Variants in DNAH9 observed in about 807,000 individuals in gnomAD.
The protein encoded by DNAH9 is dynein axonemal heavy chain 9.
DNAH9 carries 345 observed loss-of-function variants against 471.6 expected under a neutral mutation model. That is an observed-to-expected ratio of 0.73 (90% CI 0.67 to 0.80). DNAH9 has a LOEUF of 0.80. Ranked by LOEUF, DNAH9 falls within the 30% of genes least tolerant of loss-of-function variation. The pLI is 0.00. For synonymous variants in DNAH9, 2,093 were observed against 2,123.6 expected, an observed-to-expected ratio of 0.99 and a Z score of 0.40; for missense variants, 5,407 against 5,609.2, an observed-to-expected ratio of 0.96 and a Z score of 1.15.
chr17:11,821,008 G>T (rs9896438), intron 45 of DNAH9, among the ~76,000 whole-genome samples: 1 of 152,004 alleles, frequency 6.6e-6, no homozygotes, highest in Non-Finnish European at 1.5e-5. Context: ...CTGGCCAGGC[G>T]CAGTGGCTCA....
chr17:11,734,500 C>T lies in DNAH9; in HGVS notation c.5815-4380C>T, dbSNP rs534187077. ...AGAGACTGAAAAATGAGGAAAACAC[C>T]GCTGAGGACTGTAGAGTTTGGGTTC... On this transcript the variant is annotated intron_variant, in intron 28 of 68. Transcript: ENST00000262442. Among the ~76,000 whole-genome samples, 18 of 152,306 alleles carry T rather than the reference C, an allele frequency of 1.2e-4. 1 individual carries two copies. In the South Asian group the frequency reaches 3.3e-3, roughly 28 times the overall value.
intron 68 of DNAH9, among the ~76,000 whole-genome samples, chr17:11,963,872 G>C (rs1462324329): frequency 1.3e-5 from 2 of 152,124 alleles, no homozygotes; most frequent in Non-Finnish European, 2.9e-5. Context: ...AGACACAGAA[G>C]AGAATTCCCT....
Position 11,662,976 on chromosome 17 carries a change from C to T in DNAH9, c.2596-1857C>T, listed in dbSNP as rs375689465. ...TTCACCGTTTTATCCAGGATGGTCT[C>T]GATCTCCTGACCTCGTGATCCGCCC... On this transcript the variant is annotated intron_variant, in intron 14 of 68. Transcript: ENST00000262442. Among the ~76,000 whole-genome samples, 293 of 151,622 alleles carry T rather than the reference C, an allele frequency of 1.9e-3. 2 individuals are homozygous for T. Among genetic ancestry groups the T allele is most frequent in the African/African-American group, 6.6e-3 (271 of 41,370 alleles).
In DNAH9 at chr17:11,739,727, A is replaced by G. The variant is rs192335815; in HGVS notation, c.5972+690A>G. On this transcript the variant is annotated intron_variant, in intron 29 of 68. Coordinates refer to ENST00000262442, the MANE Select transcript of DNAH9 (RefSeq NM_001372.4). ...ATATTTTAAACTCTTCTTTATTTTG[A>G]TAAGAAAACACAAATACATTTCATC... 3.0e-4 allele frequency among the ~76,000 whole-genome samples: 45 copies of G among 152,278 alleles called. No homozygotes were observed. The South Asian group carries it at 4.6e-3, about 15-fold the overall frequency.
chr17:11,926,035 G>GAAAAAAAAAAAAA lies in DNAH9; in HGVS notation c.11877+2109_11877+2121dup, dbSNP rs71142253. On this transcript the variant is annotated intron_variant, in intron 62 of 68. Transcript: ENST00000262442. Reference sequence around the variant, plus strand: ...AGCCTGTAAACCTGAGAGATTCTCTGAAAAAAAAAAAAAAAAAAAAAAAAA... The same window carrying GAAAAAAAAAAAAA: ...AGCCTGTAAACCTGAGAGATTCTCTGAAAAAAAAAAAAAAAAAAAAAAAAAAAAAAAAAAAAAA... 1.5e-3 allele frequency among the ~76,000 whole-genome samples: 91 copies of GAAAAAAAAAAAAA among 59,910 alleles called. 9 individuals are homozygous for GAAAAAAAAAAAAA. The highest frequency in any genetic ancestry group is 6.1e-3 in the East Asian group (10 of 1,640). 39.3% of individuals were successfully genotyped at this position (59,910 alleles called of 152,430 possible).
At chr17:11,921,780 T>C (rs1275765211) in intron 61 of DNAH9, among the ~76,000 whole-genome samples, 2 of 152,214 alleles carry the variant, frequency 1.3e-5, no homozygotes, top group South Asian at 2.1e-4. Context: ...CTCCGCCTCA[T>C]TGTCATGCCT....
chr17:11,826,312 C>T (rs1353960667), intron 48 of DNAH9, among the ~76,000 whole-genome samples: 7 of 152,120 alleles, frequency 4.6e-5, no homozygotes, highest in Non-Finnish European at 1.0e-4. Flanking sequence ...ATATTCTCTA[C>T]TTCAATGAAT....
At chr17:11,846,091 G>A (rs1307344087) in intron 49 of DNAH9, among the ~76,000 whole-genome samples, 1 of 150,428 alleles carries the variant, frequency 6.6e-6, no homozygotes, top group Non-Finnish European at 1.5e-5. Flanking sequence ...CCTATGTCCT[G>A]AATGGTAATG....
At chr17:11,671,963 T>G (rs1378585749) in intron 17 of DNAH9, among the ~76,000 whole-genome samples, 1 of 152,234 alleles carries the variant, frequency 6.6e-6, no homozygotes, top group African/African-American at 2.4e-5. Context: ...GTCTTCTAGC[T>G]TTAACAGTTG....
intron 12 of DNAH9, among the ~76,000 whole-genome samples, chr17:11,647,601 CAT>C (rs2073420128): frequency 6.6e-6 from 1 of 152,182 alleles, no homozygotes; most frequent in Non-Finnish European, 1.5e-5. Context: ...TGGTAACAAA[CAT>C]AGCCCACTGG....
At chr17:11,692,304 A>G (rs1184281265) in intron 20 of DNAH9, among the ~76,000 whole-genome samples, 1 of 152,166 alleles carries the variant, frequency 6.6e-6, no homozygotes, top group Non-Finnish European at 1.5e-5. Context: ...AAAACAATTC[A>G]CATGGCACAT....
At chr17:11,967,995 AAAGG>A (rs141666178) in intron 68 of DNAH9, among the ~76,000 whole-genome samples, 1,637 of 152,336 alleles carry the variant, frequency 0.011, 32 homozygotes, top group African/African-American at 0.037. Flanking sequence ...TGACAGAATT[AAAGG>A]AAGAAGTAAA....
At chr17:11,694,869 C>CTTCCTTCT (rs1567726086) in intron 22 of DNAH9, among the ~76,000 whole-genome samples, 17 of 284 alleles carry the variant, frequency 0.06, 8 homozygotes, top group African/African-American at 0.082. Flanking sequence ...TCCTTCCTTC[C>CTTCCTTCT]TTCTTTCTTT....
At chr17:11,872,178 C>T (rs1011776580) in intron 52 of DNAH9, among the ~76,000 whole-genome samples, 1 of 152,214 alleles carries the variant, frequency 6.6e-6, no homozygotes, top group Non-Finnish European at 1.5e-5. Context: ...CCAGATCCTA[C>T]ATTGCACCTT....
Position 11,869,148 on chromosome 17 carries a change from C to T in DNAH9, c.9948C>T (p.Asn3316=). ...TTCCTAAACAGCACCTTAATGAAAA[C>T]CTGGCAAAGCTCACAGCCAGGTTTG... ...IKAKIAHLNE[N]LAKLTARFEK... is the part of the protein sequence containing the mutation. Residue 3316 remains asparagine (N), a synonymous_variant, in exon 51 of 69, where the codon AAC becomes AAT. Transcript: ENST00000262442. The T allele has an allele frequency of 1.1e-5, 18 of 1,613,582 alleles. No individual in the cohort carries two copies. The highest frequency in any genetic ancestry group is 1.5e-5 in the Non-Finnish European group (18 of 1,179,706).
chr17:11,689,113 A>T (rs918276994), intron 19 of DNAH9, among the ~76,000 whole-genome samples: 1 of 151,862 alleles, frequency 6.6e-6, no homozygotes, highest in Non-Finnish European at 1.5e-5. Context: ...AATAAAAATA[A>T]AAAATAAATT....
chr17:11,915,693 A>G (rs1039559340), intron 61 of DNAH9, among the ~76,000 whole-genome samples: 3 of 152,188 alleles, frequency 2.0e-5, no homozygotes, highest in African/African-American at 7.2e-5. Flanking sequence ...GGACATTGGC[A>G]CAAATTGTTC....
intron 17 of DNAH9, among the ~76,000 whole-genome samples, chr17:11,675,223 TATAA>T (rs770084075): frequency 3.4e-4 from 51 of 152,200 alleles, no homozygotes; most frequent in Non-Finnish European, 2.6e-4. Flanking sequence ...CAGTTCGTAG[TATAA>T]ATAATATTTT....
chr17:11,754,267 G>A (rs1482013661), intron 33 of DNAH9, among the ~76,000 whole-genome samples: 1 of 152,150 alleles, frequency 6.6e-6, no homozygotes, highest in Non-Finnish European at 1.5e-5. Flanking sequence ...TTGCCATTGT[G>A]AAGAGTGTGG....
Sources: gnomAD v4.1 joint callset for allele counts (sites outside exome capture counted in the v4.1 genomes callset) on GRCh38, gnomAD v4.1.1 for gene constraint, MANE v1.5 for transcripts, NCBI Gene and HGNC (gene_info 2026-07-23, HGNC 2026-07-21) for gene names.